The following GPR158 variants were observed in gnomAD, a reference collection of about 807,000 sequenced individuals.
GPR158 encodes metabotropic glycine receptor.
In GPR158, 30 loss-of-function variants were observed where a neutral mutation model predicts 78.2. The ratio of observed to expected loss-of-function variants is 0.38; its 90% CI spans 0.29 to 0.52. The LOEUF (loss-of-function observed/expected upper bound fraction) is 0.52, where lower values mean the gene tolerates loss of function less well. Ranked by LOEUF, GPR158 falls within the 20% of genes least tolerant of loss-of-function variation. GPR158 has a pLI of 0.83. For synonymous variants in GPR158, 581 were observed against 591.1 expected (o/e 0.98, Z 0.25); for missense variants, 1,463 against 1,523.5 (o/e 0.96, Z 0.66).
At position 25,350,886 on chromosome 10, in the gene GPR158, ATCAT is replaced by A. The variant is rs772421689; in HGVS notation, c.1009-45014_1009-45011del. Among the ~76,000 whole-genome samples the A allele has an allele frequency of 4.0e-4, 61 of 152,166 alleles. 2 individuals carry two copies. The highest frequency in any genetic ancestry group is 3.3e-3 in the South Asian group (16 of 4,832). On this transcript the variant is annotated intron_variant, in intron 2 of 10. Transcript: ENST00000376351. ...ATTTTTATTTCGTGGACTTGAATTT[ATCAT>A]TCATTCATTCTCTAATTCATTCAAC... is the stretch of plus-strand genomic sequence containing the variant.
intron 2 of GPR158, among the ~76,000 whole-genome samples, chr10:25,259,817 C>T (rs1054439171): frequency 6.6e-6 from 1 of 151,912 alleles, no homozygotes; most frequent in Non-Finnish European, 1.5e-5. Flanking sequence ...AGATTTATTC[C>T]TATCTACTTT....
At chr10:25,267,481 T>C (rs1278140456) in intron 2 of GPR158, among the ~76,000 whole-genome samples, 1 of 152,146 alleles carries the variant, frequency 6.6e-6, no homozygotes, top group Admixed American at 6.5e-5. Flanking sequence ...ATGTGGGAAT[T>C]ATGGGAACTA....
At chr10:25,442,954 C>T (rs1835088124) in intron 4 of GPR158, among the ~76,000 whole-genome samples, 1 of 152,146 alleles carries the variant, frequency 6.6e-6, no homozygotes, top group Non-Finnish European at 1.5e-5. Flanking sequence ...GCCTTCTCTT[C>T]GAAAGCCTTT....
intron 2 of GPR158, among the ~76,000 whole-genome samples, chr10:25,286,101 C>T (rs1472163991): frequency 1.3e-5 from 2 of 151,742 alleles, no homozygotes; most frequent in Non-Finnish European, 2.9e-5. Context: ...TATGATATGC[C>T]TATATGTGTG....
At chr10:25,245,543 G>C (rs1853677950) in intron 2 of GPR158, among the ~76,000 whole-genome samples, 1 of 152,014 alleles carries the variant, frequency 6.6e-6, no homozygotes, top group South Asian at 2.1e-4. Context: ...TTGGGGGGTG[G>C]GTGTAAGACT....
At position 25,394,719 on chromosome 10, in the gene GPR158, C is replaced by A. The variant is rs12221082; in HGVS notation, c.1009-1192C>A. Among the ~76,000 whole-genome samples the A allele has an allele frequency of 9.3e-4, 141 of 152,222 alleles. 1 individual carries two copies. The East Asian group carries it at 0.022, about 23-fold the overall frequency. ...ATTCAAGAAGGTCCTTTAGAGAGCT[C>A]TTTTTCAGAGATTTCTTGCTGCATC... On this transcript the variant is annotated intron_variant, in intron 2 of 10. Transcript: ENST00000376351.
intron 2 of GPR158, among the ~76,000 whole-genome samples, chr10:25,364,668 T>C (rs1465366521): frequency 1.3e-5 from 2 of 151,940 alleles, no homozygotes; most frequent in African/African-American, 4.8e-5. Flanking sequence ...CTGAATTTTA[T>C]GTATATTTTA....
intron 2 of GPR158, among the ~76,000 whole-genome samples, chr10:25,388,279 G>T (rs994754411): frequency 6.6e-6 from 1 of 152,208 alleles, no homozygotes; most frequent in African/African-American, 2.4e-5. Flanking sequence ...AGGTGAGAGC[G>T]GTGGCAGCAG....
chr10:25,377,997 T>G (rs1341500769), intron 2 of GPR158, among the ~76,000 whole-genome samples: 1 of 152,150 alleles, frequency 6.6e-6, no homozygotes, highest in East Asian at 1.9e-4. Context: ...CCACAATGTA[T>G]AAGCATTCCA....
intron 2 of GPR158, among the ~76,000 whole-genome samples, chr10:25,222,398 C>G (rs1162009679): frequency 6.7e-6 from 1 of 150,336 alleles, no homozygotes; most frequent in Non-Finnish European, 1.5e-5. Flanking sequence ...CTGATGATCC[C>G]CCACTTCATC....
intron 2 of GPR158, among the ~76,000 whole-genome samples, chr10:25,314,905 T>TACACACACAC (rs34451547): frequency 7.3e-5 from 10 of 137,368 alleles, no homozygotes; most frequent in African/African-American, 2.8e-4. Flanking sequence ...AGTTTACACA[T>TACACACACAC]ACACACACAC....
chr10:25,253,541 G>A (rs986208878), intron 2 of GPR158, among the ~76,000 whole-genome samples: 1 of 152,146 alleles, frequency 6.6e-6, no homozygotes, highest in African/African-American at 2.4e-5. Context: ...ATTATTATTG[G>A]TAATGTCATT....
At chr10:25,409,924 G>A (rs1834563078) in intron 3 of GPR158, among the ~76,000 whole-genome samples, 1 of 151,902 alleles carries the variant, frequency 6.6e-6, no homozygotes, top group African/African-American at 2.4e-5. Context: ...TACTTATTTA[G>A]TACTTAAGCC....
intron 2 of GPR158, among the ~76,000 whole-genome samples, chr10:25,253,225 G>A (rs964677492): frequency 3.3e-5 from 5 of 152,226 alleles, no homozygotes; most frequent in African/African-American, 1.2e-4. Flanking sequence ...GCACTCCCTA[G>A]TGAGATGAAC....
chr10:25,188,968 G>A (rs1489969884), intron 1 of GPR158, among the ~76,000 whole-genome samples: 1 of 152,162 alleles, frequency 6.6e-6, no homozygotes, highest in Non-Finnish European at 1.5e-5. Flanking sequence ...CAAAAAGTGG[G>A]CAAAGGACAT....
At chr10:25,361,863 T>A (rs1213978576) in intron 2 of GPR158, among the ~76,000 whole-genome samples, 1 of 151,960 alleles carries the variant, frequency 6.6e-6, no homozygotes, top group Admixed American at 6.6e-5. Context: ...ATGTATTATA[T>A]AATTTTGGAT....
intron 2 of GPR158, among the ~76,000 whole-genome samples, chr10:25,243,867 A>ATGTGTCCTT (rs1352133118): frequency 2.0e-5 from 3 of 152,270 alleles, no homozygotes; most frequent in South Asian, 2.1e-4. Flanking sequence ...AGTTTCCTTT[A>ATGTGTCCTT]TGTGTCCTTT....
intron 2 of GPR158, among the ~76,000 whole-genome samples, chr10:25,362,667 TG>T (rs996681830): frequency 6.6e-6 from 1 of 151,948 alleles, no homozygotes; most frequent in Non-Finnish European, 1.5e-5. Flanking sequence ...TTAACTTCCT[TG>T]ATTAGGTTTA....
At chr10:25,494,610 T>C (rs1835854221) in intron 5 of GPR158, among the ~76,000 whole-genome samples, 1 of 152,200 alleles carries the variant, frequency 6.6e-6, no homozygotes, top group African/African-American at 2.4e-5. Context: ...TATCTGGATG[T>C]ACCATAGTAC....
Sources: allele counts gnomAD v4.1 joint callset (sites outside exome capture counted in the v4.1 genomes callset), GRCh38; gene constraint gnomAD v4.1.1; transcripts MANE v1.5; gene names NCBI Gene and HGNC (gene_info 2026-07-23, HGNC 2026-07-21).